The following KANK4 variants were observed in gnomAD, a reference collection of about 807,000 sequenced individuals.
KANK4 encodes the protein KN motif and ankyrin repeat domains 4, also known as KN motif and ankyrin repeat domain-containing protein 4.
Under a neutral mutation model 80.8 loss-of-function variants are expected in KANK4, and 50 were observed. That is an observed-to-expected ratio of 0.62 (90% CI 0.49 to 0.78). The LOEUF (loss-of-function observed/expected upper bound fraction) is 0.78. Ranked by LOEUF, KANK4 falls within the 30% of genes least tolerant of loss-of-function variation. The pLI, the probability that KANK4 is intolerant of heterozygous loss-of-function variation, is 0.00. For missense variants in KANK4, 1,196 were observed against 1,240.1 expected, an observed-to-expected ratio of 0.96 and a Z score of 0.53; for synonymous variants, 465 against 506.9, an observed-to-expected ratio of 0.92 and a Z score of 1.11.
chr1:62,316,868 A>G (rs1348912262), intron 1 of KANK4, among the ~76,000 whole-genome samples: 2 of 152,162 alleles, frequency 1.3e-5, no homozygotes, highest in African/African-American at 4.8e-5. Flanking sequence ...GTTTGCTGTG[A>G]CAGAAGCATG....
rs767975236 is a variant in KANK4 at position 62,263,200 on chromosome 1, G to A, written c.2431C>T (p.His811Tyr). 1 of 1,613,884 alleles carries A rather than the reference G, an allele frequency of 6.2e-7. No individual in the cohort carries two copies. Among genetic ancestry groups the A allele is most frequent in the Non-Finnish European group, 8.5e-7 (1 of 1,179,940 alleles). The change falls in exon 7 of 10, where the codon CAC becomes TAC. Residue 811 changes from histidine to tyrosine, a missense_variant. Around this residue, in one of 3 missense-constraint regions of KANK4, gnomAD observed 1,154 missense variants for 1,179.6 expected, o/e 0.98. Transcript: ENST00000371153. ...AAGTTGACAAGCAGTTTCAGGAAGTGTGGGGAGTGAGGCTGGACCTCGTGG... is the reference window on the plus strand; with the variant it reads ...AAGTTGACAAGCAGTTTCAGGAAGTATGGGGAGTGAGGCTGGACCTCGTGG... ...YLHEVQPHSPHFLKLLVNLAD... is the reference protein window; with the variant it reads ...YLHEVQPHSPYFLKLLVNLAD...
At chr1:62,241,894 A>G (rs1368759646) in intron 9 of KANK4, among the ~76,000 whole-genome samples, 1 of 152,120 alleles carries the variant, frequency 6.6e-6, no homozygotes, top group African/African-American at 2.4e-5. Context: ...GGGGAGGTGC[A>G]CCTTTTAACA....
At chr1:62,257,156 C>T (rs771030172) in intron 7 of KANK4, among the ~76,000 whole-genome samples, 11 of 151,528 alleles carry the variant, frequency 7.3e-5, no homozygotes, top group Non-Finnish European at 1.5e-4. Flanking sequence ...GGTGTGATCT[C>T]GGCTCACTGT....
At position 62,271,478 on chromosome 1, in the gene KANK4, C is replaced by CTT. The variant is rs1410837098; in HGVS notation, c.2011_2012insAA (p.Gly671GlufsTer89). On this transcript the variant is annotated frameshift_variant and splice_region_variant, in exon 4 of 10. Coordinates refer to ENST00000371153, the MANE Select transcript of KANK4 (RefSeq NM_181712.5). LOFTEE classifies it high-confidence loss of function. ...TCTGAGCTTCACAAGCGATGCTTAC[C>CTT]CACCGTTAACCCCAACAAACTGAAG... 1 of 1,602,504 alleles carries CTT rather than the reference C, an allele frequency of 6.2e-7. No individual in the cohort carries two copies. The highest frequency in any genetic ancestry group is 8.5e-7 in the Non-Finnish European group (1 of 1,169,638).
chr1:62,257,999 T>C (rs1047430442), intron 7 of KANK4, among the ~76,000 whole-genome samples: 3 of 152,152 alleles, frequency 2.0e-5, no homozygotes, highest in Non-Finnish European at 2.9e-5. Flanking sequence ...GGATTCTTCA[T>C]GCACATAATG....
intron 8 of KANK4, among the ~76,000 whole-genome samples, chr1:62,251,514 C>T (rs943297120): frequency 2.0e-5 from 3 of 152,080 alleles, no homozygotes; most frequent in Non-Finnish European, 4.4e-5. Context: ...GAGGAGTCCC[C>T]GTTGTTCCAT....
chr1:62,238,570 T>C (rs1053516433), intron 9 of KANK4, among the ~76,000 whole-genome samples, 189 bp from the exon 10 acceptor site: 7 of 151,458 alleles, frequency 4.6e-5, no homozygotes, highest in African/African-American at 1.7e-4. Context: ...ACAGAAACAA[T>C]AGTGACTCCT....
intron 6 of KANK4, among the ~76,000 whole-genome samples, chr1:62,266,180 G>A (rs1220176495): frequency 1.3e-5 from 2 of 152,172 alleles, no homozygotes; most frequent in African/African-American, 4.8e-5. Flanking sequence ...CTGAGCCCCC[G>A]GCCTGCTTTC....
At chr1:62,286,281 C>G (rs752556485) in intron 1 of KANK4, among the ~76,000 whole-genome samples, 18 of 152,242 alleles carry the variant, frequency 1.2e-4, no homozygotes, top group Non-Finnish European at 2.4e-4. Flanking sequence ...GGCTGCAGGG[C>G]CGGAGCTGAT....
intron 1 of KANK4, among the ~76,000 whole-genome samples, chr1:62,314,668 C>G (rs1644525626): frequency 6.6e-6 from 1 of 151,296 alleles, no homozygotes; most frequent in Non-Finnish European, 1.5e-5. Context: ...AAGGATCCTT[C>G]CATGCAAAGG....
chr1:62,274,195 G>T lies in KANK4; in HGVS notation c.909C>A (p.Ile303=), dbSNP rs770579598. Residue 303 remains isoleucine, a synonymous_variant, in exon 3 of 10, where the codon ATC becomes ATA. Coordinates refer to ENST00000371153, the MANE Select transcript of KANK4 (RefSeq NM_181712.5). The part of the protein sequence containing the change: ...IPENELLLEE[I]ELNISEIPPP... Reference sequence around the variant, plus strand: ...GTGGAATCTCGCTGATGTTGAGCTCGATTTCTTCCAGGAGGAGCTCATTCT... The same window carrying T: ...GTGGAATCTCGCTGATGTTGAGCTCTATTTCTTCCAGGAGGAGCTCATTCT... The T allele has an allele frequency of 4.3e-6, 7 of 1,614,020 alleles. No individual in the cohort carries two copies. In the African/African-American group the frequency reaches 9.3e-5, roughly 22 times the overall value.
rs1467200604 is a variant in KANK4 at position 62,263,156 on chromosome 1, G to A, written c.2475C>T (p.Asn825=). 3.1e-6 allele frequency: 5 copies of A among 1,613,896 alleles called. No homozygotes were observed. Among genetic ancestry groups the A allele is most frequent in the Non-Finnish European group, 4.2e-6 (5 of 1,179,936 alleles). Reference sequence around the variant, plus strand: ...GGGACACGCTGTAGTGAAGGGCCGTGTTCCCGTTGTGATCGGCCAAGTTGA... The same window carrying A: ...GGGACACGCTGTAGTGAAGGGCCGTATTCCCGTTGTGATCGGCCAAGTTGA... ...LLVNLADHNG[N]TALHYSVSHS... is the part of the protein sequence containing the mutation. Residue 825 remains asparagine (N), a synonymous_variant, in exon 7 of 10, where the codon AAC becomes AAT. Coordinates refer to ENST00000371153, the MANE Select transcript of KANK4 (RefSeq NM_181712.5).
intron 2 of KANK4, among the ~76,000 whole-genome samples, chr1:62,279,419 T>G (rs1164770955): frequency 6.6e-6 from 1 of 152,158 alleles, no homozygotes; most frequent in African/African-American, 2.4e-5. Flanking sequence ...ATGCGGGAGC[T>G]CAGAATTCCA....
chr1:62,256,675 G>A (rs1671760337), intron 7 of KANK4, among the ~76,000 whole-genome samples: 3 of 152,098 alleles, frequency 2.0e-5, no homozygotes, highest in African/African-American at 2.4e-5. Flanking sequence ...GAGCCGTCGC[G>A]CCTGGCTACC....
At chr1:62,287,074 G>A (rs1391529844) in intron 1 of KANK4, among the ~76,000 whole-genome samples, 1 of 152,168 alleles carries the variant, frequency 6.6e-6, no homozygotes, top group Non-Finnish European at 1.5e-5. Flanking sequence ...GGAGCAGGCA[G>A]CTGCCAGAGG....
chr1:62,252,000 A>AG (rs1671632918), intron 8 of KANK4, among the ~76,000 whole-genome samples: 1 of 151,616 alleles, frequency 6.6e-6, no homozygotes, highest in African/African-American at 2.4e-5. Context: ...TCAAAAAAAA[A>AG]AAAAAAAGAT....
chr1:62,298,659 A>G (rs1644386758), intron 1 of KANK4, among the ~76,000 whole-genome samples: 1 of 152,216 alleles, frequency 6.6e-6, no homozygotes, highest in African/African-American at 2.4e-5. Context: ...TTCCTCAGCT[A>G]TAAAATGGTA....
chr1:62,240,390 C>A (rs963904091), intron 9 of KANK4, among the ~76,000 whole-genome samples: 2 of 152,182 alleles, frequency 1.3e-5, no homozygotes. Context: ...GGCTCAGAGG[C>A]TGGGTGCAGT....
At chr1:62,318,787 TC>T (rs2149178552) in intron 1 of KANK4, among the ~76,000 whole-genome samples, 1 of 152,252 alleles carries the variant, frequency 6.6e-6, no homozygotes, top group East Asian at 1.9e-4. Context: ...ACCAGTGTTC[TC>T]CACCCCCAGA....
Sources: allele counts gnomAD v4.1 joint callset (sites outside exome capture counted in the v4.1 genomes callset), GRCh38; gene constraint gnomAD v4.1.1; regional missense constraint gnomAD v4.1.1; transcripts MANE v1.5; gene names NCBI Gene and HGNC (gene_info 2026-07-23, HGNC 2026-07-21).